PCBP2: variants seen among roughly 807,000 people sequenced by gnomAD.
The protein encoded by PCBP2 is poly(rC)-binding protein 2.
PCBP2 carries 4 observed loss-of-function variants against 50.1 expected under a neutral mutation model. The ratio of observed to expected loss-of-function variants is 0.08; its 90% CI spans 0.04 to 0.18. The LOEUF is 0.18. Among genes scored for constraint, PCBP2 ranks in the 10% least tolerant of loss-of-function variants. The pLI, the probability that PCBP2 is intolerant of heterozygous loss-of-function variation, is 1.00. For synonymous variants in PCBP2, 179 were observed against 168.0 expected (o/e 1.07, Z -0.51); for missense variants, 161 against 474.3 (o/e 0.34, Z 6.14).
intron 5 of PCBP2, among the ~76,000 whole-genome samples, chr12:53,458,461 C>T (rs1292810979): frequency 2.0e-5 from 3 of 151,610 alleles, no homozygotes; most frequent in African/African-American, 7.3e-5. Context: ...GCGCATGCCA[C>T]CACACCCAGC....
intron 2 of PCBP2, 30 bp from the exon 3 acceptor site, chr12:53,455,317 T>C (rs1592633149): frequency 1.2e-6 from 2 of 1,604,938 alleles, no homozygotes; most frequent in Non-Finnish European, 1.7e-6. Context: ...CTGAGTTTCC[T>C]CTTACTGACG....
At position 53,479,668 on chromosome 12, in the gene PCBP2, C is replaced by CGGGTTTTTTTTTTTTT; in HGVS notation, c.*226_*227insGGGTTTTTTTTTTTTT. 7.4e-6 allele frequency: 1 copy of CGGGTTTTTTTTTTTTT among 135,736 alleles called. No individual in the cohort carries two copies. The highest frequency in any genetic ancestry group is 1.3e-5 in the Non-Finnish European group (1 of 75,100). The allele number at this position is 135,736 out of a possible 1,614,324, so 8.4% of individuals were successfully genotyped here. A position where few individuals can be genotyped will look rare whatever the true frequency, so the allele number is the denominator to read the frequency against. ...CATATTTAGTTTTATAAGCTTCTCC[C>CGGGTTTTTTTTTTTTT]TGGTTTTTTTTTTTTGGCTCATGAA... On this transcript the variant is annotated 3_prime_UTR_variant, in exon 15 of 15. Transcript: ENST00000546463.
chr12:53,462,656 T>C, intron 8 of PCBP2, 89 bp downstream of exon 8: 1 of 1,036,786 alleles, frequency 9.6e-7, no homozygotes, highest in Non-Finnish European at 1.5e-6. Flanking sequence ...CCACTCTGCA[T>C]GCTTGCTGAA....
chr12:53,468,839 G>A lies in PCBP2; in HGVS notation c.882+7G>A. On this transcript the variant is annotated splice_region_variant and intron_variant, in intron 13 of 14. Transcript: ENST00000546463. ...ACTCACCATTCCAAACGATGTAAGT[G>A]TAGTTAGGTTGCATGGGATGAAAAT... is the stretch of plus-strand genomic sequence containing the variant. The A allele has an allele frequency of 6.2e-7, 1 of 1,603,646 alleles. No individual in the cohort carries two copies. Among genetic ancestry groups the A allele is most frequent in the Non-Finnish European group, 8.5e-7 (1 of 1,171,224 alleles).
chr12:53,461,882 T>A (rs1026302018), intron 7 of PCBP2, among the ~76,000 whole-genome samples: 3 of 152,150 alleles, frequency 2.0e-5, no homozygotes, highest in Non-Finnish European at 2.9e-5. Context: ...TAATTTTTTT[T>A]ATTTTTTGTA....
intron 5 of PCBP2, among the ~76,000 whole-genome samples, chr12:53,458,408 C>T (rs560714009): frequency 1.3e-5 from 2 of 151,692 alleles, no homozygotes; most frequent in East Asian, 1.9e-4. Flanking sequence ...CGGATTCAAG[C>T]GATTCTCCTG....
At chr12:53,460,164 A>T (rs1235408469) in intron 6 of PCBP2, 2 of 216,924 alleles carry the variant, frequency 9.2e-6, no homozygotes, top group Non-Finnish European at 1.9e-5. Flanking sequence ...TTTTTTTGAG[A>T]CAGGGTCTCA....
chr12:53,475,755 A>G (rs1942541052), intron 14 of PCBP2: 1 of 152,250 alleles, frequency 6.6e-6, no homozygotes, highest in Non-Finnish European at 1.5e-5. Context: ...TTGAATCCCA[A>G]GTGAATTTTA....
chr12:53,472,907 C>T (rs371809913), intron 14 of PCBP2, among the ~76,000 whole-genome samples: 23 of 152,098 alleles, frequency 1.5e-4, no homozygotes, highest in African/African-American at 5.3e-4. Context: ...CCACCAAGCA[C>T]ACTAGGTCCT....
At position 53,452,359 on chromosome 12, in the gene PCBP2, G is replaced by A. The variant is rs1940592952; in HGVS notation, c.-93G>A. Reference sequence around the variant, plus strand: ...CCCGCCCGCTCCCCTTTTCCCCTCAGTCGCCTCGCGCCTGCAGGTAAGCCT... The same window carrying A: ...CCCGCCCGCTCCCCTTTTCCCCTCAATCGCCTCGCGCCTGCAGGTAAGCCT... On this transcript the variant is annotated 5_prime_UTR_variant, in exon 1 of 15. Transcript: ENST00000546463. 1 of 130,578 alleles carries A rather than the reference G, an allele frequency of 7.7e-6. No homozygotes were observed. The highest frequency in any genetic ancestry group is 2.8e-4 in the South Asian group (1 of 3,582). The allele number at this position is 130,578 out of a possible 1,614,324, so 8.1% of individuals were successfully genotyped here. A position where few individuals can be genotyped will look rare whatever the true frequency, so the allele number is the denominator to read the frequency against.
In PCBP2 at chr12:53,467,204, C is replaced by T. The variant is rs1217389470; in HGVS notation, c.715-17C>T. 3 of 1,606,636 alleles carry T rather than the reference C, an allele frequency of 1.9e-6. No homozygotes were observed. The highest frequency in any genetic ancestry group is 2.7e-5 in the African/African-American group (2 of 74,732). On this transcript the variant is annotated splice_polypyrimidine_tract_variant and intron_variant, in intron 10 of 14. Transcript: ENST00000546463. Reference sequence around the variant, plus strand: ...TGTTAAATCTTCTAATGCCAACCTCCTGTTTCCTCCTTGCAGTTGACCAAG... The same window carrying T: ...TGTTAAATCTTCTAATGCCAACCTCTTGTTTCCTCCTTGCAGTTGACCAAG...
chr12:53,460,013 G>C (rs1941337140), intron 6 of PCBP2: 1 of 314,410 alleles, frequency 3.2e-6, no homozygotes. Flanking sequence ...CCCACCTCAG[G>C]CTCCCAGTGT....
intron 9 of PCBP2, among the ~76,000 whole-genome samples, chr12:53,465,270 C>T (rs1358617638): frequency 6.6e-6 from 1 of 151,932 alleles, no homozygotes; most frequent in African/African-American, 2.4e-5. Flanking sequence ...CCTGAAGACC[C>T]AGCTCCCTTT....
chr12:53,470,041 C>T lies in PCBP2; in HGVS notation c.882+1209C>T, dbSNP rs115722323. Among the ~76,000 whole-genome samples the T allele has an allele frequency of 9.7e-3, 1,469 of 152,080 alleles. 22 individuals are homozygous for T. Among genetic ancestry groups the T allele is most frequent in the African/African-American group, 0.033 (1,375 of 41,492 alleles). On this transcript the variant is annotated intron_variant, in intron 13 of 14. Transcript: ENST00000546463. ...GATTACAGGTGTGAGCCACTGCGTC[C>T]AGCCTGCTTTTGTTTTTTTGTAGAA...
chr12:53,462,259 A>C (rs567382171), intron 7 of PCBP2, among the ~76,000 whole-genome samples: 1 of 152,356 alleles, frequency 6.6e-6, no homozygotes, highest in Non-Finnish European at 1.5e-5. Context: ...TATTACATGG[A>C]CATCTCCCTT....
intron 14 of PCBP2, among the ~76,000 whole-genome samples, chr12:53,478,464 C>T (rs550198289): frequency 1.2e-4 from 18 of 151,716 alleles, no homozygotes; most frequent in South Asian, 2.1e-4. Context: ...GTTGAGATTG[C>T]GCCATTGCAC....
chr12:53,468,732 T>C, intron 12 of PCBP2, 45 bp from the exon 13 acceptor site: 1 of 1,453,204 alleles, frequency 6.9e-7, no homozygotes, highest in Middle Eastern at 1.7e-4. Flanking sequence ...CAGTGAGGTT[T>C]TGAATGCTGT....
rs1299715883 is a variant in PCBP2 at position 53,481,066 on chromosome 12, T to C, written c.*1624T>C. 1 of 362,694 alleles carries C rather than the reference T, an allele frequency of 2.8e-6. No individual in the cohort carries two copies. Among genetic ancestry groups the C allele is most frequent in the Non-Finnish European group, 4.2e-6 (1 of 239,306 alleles). 22.5% of individuals were successfully genotyped at this position (362,694 alleles called of 1,614,324 possible). A position where few individuals can be genotyped will look rare whatever the true frequency, so the allele number is the denominator to read the frequency against. ...GGGATCAGTCTCCCTCGAGCCTGAC[T>C]TACGGCTGGGACAGCCCCATCTTTC... is the stretch of plus-strand genomic sequence containing the variant. On this transcript the variant is annotated 3_prime_UTR_variant, in exon 15 of 15. Transcript: ENST00000546463.
chr12:53,463,642 C>T (rs775961536), intron 8 of PCBP2, among the ~76,000 whole-genome samples: 24 of 152,152 alleles, frequency 1.6e-4, no homozygotes, highest in Non-Finnish European at 2.9e-4. Context: ...ATATTTGTTT[C>T]TATGGGGGGA....
Sources: gnomAD v4.1 joint callset for allele counts (sites outside exome capture counted in the v4.1 genomes callset) on GRCh38, gnomAD v4.1.1 for gene constraint, MANE v1.5 for transcripts, NCBI Gene and HGNC (gene_info 2026-07-23, HGNC 2026-07-21) for gene names.